The following PPM1B variants were observed in gnomAD, a reference collection of about 807,000 sequenced individuals.
PPM1B encodes protein phosphatase 1B.
In PPM1B, 22 loss-of-function variants were observed where a neutral mutation model predicts 43.0. The observed-to-expected ratio is 0.51, with a 90% CI of 0.37 to 0.73. The LOEUF (loss-of-function observed/expected upper bound fraction) is 0.73, where lower values mean the gene tolerates loss of function less well. PPM1B is among the 30% of genes least tolerant of loss of function. PPM1B has a pLI of 0.00. For missense variants in PPM1B, 632 were observed against 584.2 expected (o/e 1.08, Z -0.84); for synonymous variants, 217 against 197.9 (o/e 1.10, Z -0.81).
chr2:44,234,711 A>G (rs1337294456), downstream of PPM1B: 3 of 654,322 alleles, frequency 4.6e-6, no homozygotes, highest in Non-Finnish European at 5.7e-6. Context: ...TACAAATTGT[A>G]TACTCCAGTG....
intron 1 of PPM1B, among the ~76,000 whole-genome samples, chr2:44,171,916 T>C (rs1203658029): frequency 6.6e-6 from 1 of 151,870 alleles, no homozygotes; most frequent in African/African-American, 2.4e-5. Flanking sequence ...TTACCTAGCA[T>C]AGAAAGTAGT....
At chr2:44,188,377 G>GTTTC (rs200322754) in intron 1 of PPM1B, among the ~76,000 whole-genome samples, 3 of 142,504 alleles carry the variant, frequency 2.1e-5, no homozygotes, top group Non-Finnish European at 3.0e-5. Flanking sequence ...GTGCTGCTGA[G>GTTTC]TTTCTTTCTT....
chr2:44,220,497 T>A (rs1280604736), intron 5 of PPM1B, among the ~76,000 whole-genome samples: 1 of 152,208 alleles, frequency 6.6e-6, no homozygotes, highest in Non-Finnish European at 1.5e-5. Context: ...ATTATTTGGC[T>A]ATAGAAATGG....
intron 1 of PPM1B, among the ~76,000 whole-genome samples, chr2:44,191,472 C>T (rs1212082051): frequency 6.6e-6 from 1 of 152,174 alleles, no homozygotes; most frequent in East Asian, 1.9e-4. Context: ...CCTCAGCCTC[C>T]CAAAGTGCTG....
chr2:44,213,462 G>A (rs1442132720), intron 3 of PPM1B, among the ~76,000 whole-genome samples: 1 of 151,222 alleles, frequency 6.6e-6, no homozygotes, highest in Non-Finnish European at 1.5e-5. Flanking sequence ...TGGTCATTTT[G>A]TATATAGTAG....
At chr2:44,223,559 C>T (rs1670069519) in intron 5 of PPM1B, among the ~76,000 whole-genome samples, 1 of 151,860 alleles carries the variant, frequency 6.6e-6, no homozygotes, top group African/African-American at 2.4e-5. Context: ...CCTGTAATGC[C>T]AGCACTTTGG....
At chr2:44,208,147 C>G (rs566223583) in intron 2 of PPM1B, among the ~76,000 whole-genome samples, 1 of 152,096 alleles carries the variant, frequency 6.6e-6, no homozygotes, top group South Asian at 2.1e-4. Flanking sequence ...CTCAGCCTCC[C>G]AAAGTGCTGG....
chr2:44,223,814 TAAAAAAAAAAA>T lies in PPM1B; in HGVS notation c.1134+5297_1134+5307del, dbSNP rs58530902. ...CTGGGCAACAGAGTGGGACTCTGTC[TAAAAAAAAAAA>T]AAAAAAAAAAAAAAAAAAAGAGAGA... On this transcript the variant is annotated intron_variant, in intron 5 of 5. Transcript: ENST00000282412. 9.0e-3 allele frequency among the ~76,000 whole-genome samples: 323 copies of T among 36,072 alleles called. 1 individual carries two copies. The highest frequency in any genetic ancestry group is 0.031 in the African/African-American group (300 of 9,668). The allele number at this position is 36,072 out of a possible 152,430, so 23.7% of individuals were successfully genotyped here. A position where few individuals can be genotyped will look rare whatever the true frequency, so the allele number is the denominator to read the frequency against.
At chr2:44,189,848 C>G (rs1052461216) in intron 1 of PPM1B, among the ~76,000 whole-genome samples, 4 of 152,200 alleles carry the variant, frequency 2.6e-5, no homozygotes, top group Admixed American at 1.3e-4. Context: ...TGGCATACCT[C>G]TTGCCCCCAT....
rs1286514198 is a variant in PPM1B, at chr2:44,201,449, G to A, written c.250G>A (p.Asp84Asn). Reference protein sequence around the residue: ...HLLEHITTNEDFRAAGKSGSA... With the variant: ...HLLEHITTNENFRAAGKSGSA... ...ATTAGAACACATCACTACTAACGAAGACTTTAGGGCAGCTGGAAAATCAGG... is the reference window on the plus strand; with the variant it reads ...ATTAGAACACATCACTACTAACGAAAACTTTAGGGCAGCTGGAAAATCAGG... The change falls in exon 2 of 6, where the codon GAC (aspartate) becomes AAC (asparagine). Residue 84 changes from aspartate to asparagine, a missense_variant. By Grantham distance (23) the Asp-to-Asn change is conservative. Coordinates refer to ENST00000282412, the MANE Select transcript of PPM1B (RefSeq NM_002706.6). The surrounding 1 kb of genome is among the most constrained non-coding windows in gnomAD (Gnocchi z 5.4). 2 of 1,614,054 alleles carry A rather than the reference G, an allele frequency of 1.2e-6. No homozygotes were observed. Among genetic ancestry groups the A allele is most frequent in the African/African-American group, 2.7e-5 (2 of 74,918 alleles).
chr2:44,217,929 T>C (rs1553335441), intron 3 of PPM1B, 38 bp from the exon 4 acceptor site: 2 of 1,382,758 alleles, frequency 1.4e-6, no homozygotes, highest in Admixed American at 4.4e-5. Context: ...TACTGGCTTA[T>C]CACATTAATT....
chr2:44,244,820 GATAT>G (rs542334922), downstream of PPM1B, among the ~76,000 whole-genome samples: 2 of 129,914 alleles, frequency 1.5e-5, no homozygotes, highest in East Asian at 4.4e-4. Context: ...AATTACTTGA[GATAT>G]ATATATATAT....
At chr2:44,188,001 C>T (rs953698692) in intron 1 of PPM1B, among the ~76,000 whole-genome samples, 8 of 152,194 alleles carry the variant, frequency 5.3e-5, no homozygotes, top group South Asian at 2.1e-4. Context: ...CTGCCCACCT[C>T]GGCCTCCCAA....
chr2:44,196,758 GC>G (rs1668681191), intron 1 of PPM1B, among the ~76,000 whole-genome samples: 1 of 152,030 alleles, frequency 6.6e-6, no homozygotes, highest in Non-Finnish European at 1.5e-5. Context: ...TTATTTTGTT[GC>G]TCAGATTGTT....
downstream of PPM1B, chr2:44,234,302 C>G: frequency 2.5e-6 from 2 of 811,920 alleles, no homozygotes; most frequent in Non-Finnish European, 3.0e-6. Context: ...GGGTGGATCA[C>G]GAGGTCAAGA....
rs1670467571 is a variant in PPM1B at position 44,231,472 on chromosome 2, A to G, written c.*754A>G. On this transcript the variant is annotated 3_prime_UTR_variant, in exon 6 of 6. Transcript: ENST00000282412. The stretch of plus-strand genomic sequence containing the variant: ...TAAAGCATGTGATGTGGAATAATCT[A>G]TGCATGTTGTACTTATTTTTGAATT... 1.2e-5 allele frequency: 12 copies of G among 966,848 alleles called. No homozygotes were observed. The highest frequency in any genetic ancestry group is 1.5e-5 in the Non-Finnish European group (12 of 812,900). 59.9% of individuals were successfully genotyped at this position (966,848 alleles called of 1,614,324 possible).
chr2:44,223,033 C>A (rs549771155), intron 5 of PPM1B, among the ~76,000 whole-genome samples: 11 of 152,208 alleles, frequency 7.2e-5, no homozygotes, highest in African/African-American at 2.6e-4. Flanking sequence ...GGTCTCGCTT[C>A]ATTGCCAGGG....
chr2:44,199,312 A>AT (rs1307018186), intron 1 of PPM1B, among the ~76,000 whole-genome samples: 8 of 130,166 alleles, frequency 6.1e-5, no homozygotes, highest in African/African-American at 2.5e-4. Context: ...TCAAAAAAAA[A>AT]AAAAATAAAA....
intron 5 of PPM1B, among the ~76,000 whole-genome samples, chr2:44,223,538 G>A (rs1025282520): frequency 2.6e-5 from 4 of 151,954 alleles, no homozygotes; most frequent in Non-Finnish European, 2.9e-5. Context: ...GGCCGGGCGC[G>A]GTGGCTCATG....
Sources: allele counts gnomAD v4.1 joint callset (sites outside exome capture counted in the v4.1 genomes callset), GRCh38; gene constraint gnomAD v4.1.1; non-coding constraint Gnocchi (gnomAD v3.1); transcripts MANE v1.5; gene names NCBI Gene and HGNC (gene_info 2026-07-23, HGNC 2026-07-21).